LRCH1: variants seen among roughly 807,000 people sequenced by gnomAD.
The protein encoded by LRCH1 is leucine-rich repeat and calponin homology domain-containing protein 1.
A neutral mutation model predicts 94.9 loss-of-function variants in LRCH1; 23 were observed. The ratio of observed to expected loss-of-function variants is 0.24; its 90% confidence interval spans 0.17 to 0.34. LRCH1 has a LOEUF of 0.34. Among genes scored for constraint, LRCH1 ranks in the 10% least tolerant of loss-of-function variants. The pLI is 1.00. For missense variants in LRCH1, 790 were observed against 945.9 expected (o/e 0.84, Z 2.16); for synonymous variants, 364 against 354.9 (o/e 1.03, Z -0.29).
chr13:46,723,261 G>T lies in LRCH1; in HGVS notation c.1800G>T (p.Pro600=). The change falls in exon 17 of 20, where the codon CCG becomes CCT. Residue 600 remains proline (P), a synonymous_variant. Transcript: ENST00000389797. ...AGAGAAATTTGGAATCTATAGACCC[G>T]CAGTTTACAATCCGGAGGAAAATGG... ...RPQRNLESID[P]QFTIRRKMEQ... The T allele has an allele frequency of 1.2e-6, 2 of 1,613,670 alleles. No individual in the cohort carries two copies. The highest frequency in any genetic ancestry group is 1.7e-6 in the Non-Finnish European group (2 of 1,179,674).
downstream of LRCH1, among the ~76,000 whole-genome samples, chr13:46,745,699 C>G (rs915672466): frequency 1.3e-5 from 2 of 152,176 alleles, no homozygotes; most frequent in Non-Finnish European, 2.9e-5. Context: ...AAATAACACA[C>G]AGATAGTTTT....
At chr13:46,677,937 G>A (rs1301983109) in intron 3 of LRCH1, among the ~76,000 whole-genome samples, 1 of 152,282 alleles carries the variant, frequency 6.6e-6, no homozygotes, top group East Asian at 1.9e-4. Context: ...ACTATAGGGT[G>A]CTATGATTTC....
rs2138144431 is a variant in LRCH1, at chr13:46,682,791, C to T, written c.685+945C>T. On this transcript the variant is annotated intron_variant, in intron 4 of 19. Coordinates refer to ENST00000389797, the MANE Select transcript of LRCH1 (RefSeq NM_001164211.2). ...CCAGCATGAATGCCAAGACCTCAGACAGCCCTGCTTTGCAGCCATGGGCTT... is the reference window on the plus strand; with the variant it reads ...CCAGCATGAATGCCAAGACCTCAGATAGCCCTGCTTTGCAGCCATGGGCTT... Among the ~76,000 whole-genome samples, 3 of 152,364 alleles carry T rather than the reference C, an allele frequency of 2.0e-5. No individual in the cohort carries two copies. In the South Asian group the frequency reaches 6.2e-4, roughly 32 times the overall value.
At chr13:46,748,974 T>C (rs1174510172), downstream of LRCH1, among the ~76,000 whole-genome samples, 1 of 152,238 alleles carries the variant, frequency 6.6e-6, no homozygotes, top group Non-Finnish European at 1.5e-5. Context: ...GGAGATGTCA[T>C]GTCATGTCCT....
chr13:46,746,468 G>A (rs372806193), downstream of LRCH1, among the ~76,000 whole-genome samples: 18 of 152,170 alleles, frequency 1.2e-4, no homozygotes, highest in Admixed American at 5.2e-4. Context: ...CTTCAAAGGC[G>A]GTCAGAAGCA....
rs1873732024 is a variant in LRCH1, at chr13:46,742,742, ACT to A, written c.*897_*898del. 1 of 984,736 alleles carries A rather than the reference ACT, an allele frequency of 1.0e-6. No homozygotes were observed. Among genetic ancestry groups the A allele is most frequent in the Non-Finnish European group, 1.2e-6 (1 of 829,818 alleles). 61.0% of individuals were successfully genotyped at this position (984,736 alleles called of 1,614,324 possible). A position where few individuals can be genotyped will look rare whatever the true frequency, so the allele number is the denominator to read the frequency against. ...GCCGGTCCAGAATGTGACGGATTCGACTCTATTCATTTTCAAATAAAGCCATG... is the reference window on the plus strand; with the variant it reads ...GCCGGTCCAGAATGTGACGGATTCGACTATTCATTTTCAAATAAAGCCATG... On this transcript the variant is annotated 3_prime_UTR_variant, in exon 20 of 20. Transcript: ENST00000389797.
chr13:46,752,908 A>T (rs1874200530), exon 19 of LRCH1: 1 of 152,066 alleles, frequency 6.6e-6, no homozygotes, highest in South Asian at 2.1e-4. Context: ...CGTCTTCAAG[A>T]TCCTTGTACA....
intron 4 of LRCH1, among the ~76,000 whole-genome samples, chr13:46,684,009 A>G (rs1032498008): frequency 1.3e-5 from 2 of 152,156 alleles, no homozygotes; most frequent in Non-Finnish European, 2.9e-5. Context: ...CCCTCCTCGT[A>G]TGCTTTCAAT....
chr13:46,690,207 T>G (rs748244319), intron 7 of LRCH1, among the ~76,000 whole-genome samples: 1 of 152,160 alleles, frequency 6.6e-6, no homozygotes, highest in Non-Finnish European at 1.5e-5. Context: ...AAAATCCTTC[T>G]AATATAGAGC....
intron 1 of LRCH1, among the ~76,000 whole-genome samples, chr13:46,604,570 A>C (rs2050667246): frequency 6.6e-6 from 1 of 152,176 alleles, no homozygotes; most frequent in African/African-American, 2.4e-5. Context: ...ATAAACATGA[A>C]ATTGTATCTG....
rs375941289 is a variant in LRCH1 at position 46,701,231 on chromosome 13, G to T, written c.1400+24G>T. 6 of 1,510,992 alleles carry T rather than the reference G, an allele frequency of 4.0e-6. No individual in the cohort carries two copies. The African/African-American group carries it at 5.5e-5, about 14-fold the overall frequency. The allele number at this position is 1,510,992 out of a possible 1,614,324, so 93.6% of individuals were successfully genotyped here. A position where few individuals can be genotyped will look rare whatever the true frequency, so the allele number is the denominator to read the frequency against. On this transcript the variant is annotated intron_variant, in intron 11 of 19. Coordinates refer to ENST00000389797, the MANE Select transcript of LRCH1 (RefSeq NM_001164211.2). ...GGGTGTGTATGTCTCCTTGGTCCAG[G>T]TTTCATGTGTAAATAATGCATACTA...
intron 1 of LRCH1, among the ~76,000 whole-genome samples, chr13:46,625,227 A>G (rs1373848753): frequency 6.6e-6 from 1 of 152,286 alleles, no homozygotes; most frequent in East Asian, 1.9e-4. Flanking sequence ...ACCCTCTTCC[A>G]TACTCTTCTA....
At chr13:46,647,775 G>A (rs960829355) in intron 1 of LRCH1, among the ~76,000 whole-genome samples, 34 of 149,728 alleles carry the variant, frequency 2.3e-4, no homozygotes, top group African/African-American at 7.6e-4. Flanking sequence ...GAGATAAAAG[G>A]TGCGAGATAG....
At chr13:46,692,966 CTTTT>C (rs556715797) in intron 8 of LRCH1, among the ~76,000 whole-genome samples, 6 of 128,168 alleles carry the variant, frequency 4.7e-5, no homozygotes, top group Admixed American at 8.0e-5. Flanking sequence ...AGATAAAATT[CTTTT>C]TTTTTTTTTT....
At chr13:46,585,079 A>T (rs542309656) in intron 1 of LRCH1, among the ~76,000 whole-genome samples, 2 of 152,352 alleles carry the variant, frequency 1.3e-5, no homozygotes, top group African/African-American at 2.4e-5. Flanking sequence ...TTCTTTAAAG[A>T]ACTGCATTTT....
At chr13:46,628,885 G>A (rs551151091) in intron 1 of LRCH1, among the ~76,000 whole-genome samples, 2 of 152,244 alleles carry the variant, frequency 1.3e-5, no homozygotes, top group East Asian at 1.9e-4. Context: ...AGTCAAATTC[G>A]CAGTATAGAA....
At chr13:46,709,665 T>A (rs560707883) in intron 13 of LRCH1, among the ~76,000 whole-genome samples, 1 of 152,152 alleles carries the variant, frequency 6.6e-6, no homozygotes, top group Non-Finnish European at 1.5e-5. Context: ...AAAAAAAAGA[T>A]ACTTTTATTC....
At chr13:46,640,969 C>G (rs2051150411) in intron 1 of LRCH1, among the ~76,000 whole-genome samples, 1 of 152,142 alleles carries the variant, frequency 6.6e-6, no homozygotes, top group Non-Finnish European at 1.5e-5. Context: ...TAGGGAACTG[C>G]TTAATATTTC....
chr13:46,565,248 G>A (rs140607422), intron 1 of LRCH1, among the ~76,000 whole-genome samples: 1 of 152,296 alleles, frequency 6.6e-6, no homozygotes, highest in East Asian at 1.9e-4. Context: ...GAAATGCTGT[G>A]ACATTAATAA....
Sources: gnomAD v4.1 joint callset for allele counts (sites outside exome capture counted in the v4.1 genomes callset) on GRCh38, gnomAD v4.1.1 for gene constraint, MANE v1.5 for transcripts, NCBI Gene and HGNC (gene_info 2026-07-23, HGNC 2026-07-21) for gene names.